MCOLN2: variants seen among roughly 807,000 people sequenced by gnomAD.
MCOLN2 encodes the protein mucolipin TRP cation channel 2, also known as mucolipin-2.
A neutral mutation model predicts 67.5 loss-of-function variants in MCOLN2; 57 were observed. That is an observed-to-expected ratio of 0.84 (90% CI 0.68 to 1.05). The LOEUF is 1.05. MCOLN2 is among the 50% of genes least tolerant of loss of function. The pLI is 0.00. For missense variants in MCOLN2, 620 were observed against 678.8 expected, an observed-to-expected ratio of 0.91 and a Z score of 0.96; for synonymous variants, 246 against 233.3, an observed-to-expected ratio of 1.05 and a Z score of -0.50.
chr1:84,990,789 C>T (rs1258239657), intron 1 of MCOLN2, among the ~76,000 whole-genome samples: 2 of 150,694 alleles, frequency 1.3e-5, no homozygotes, highest in African/African-American at 4.9e-5. Context: ...AATAAGCTAG[C>T]CAGGAGTGGT....
Position 84,995,835 on chromosome 1 carries a change from C to T in MCOLN2, c.77+961G>A, listed in dbSNP as rs143311655. 7.6e-4 allele frequency among the ~76,000 whole-genome samples: 115 copies of T among 151,742 alleles called. 1 individual carries two copies. The highest frequency in any genetic ancestry group is 2.6e-3 in the African/African-American group (109 of 41,416). Reference sequence around the variant, plus strand: ...AAAAAACACTTTTGATATGTTCCTCCTTCACAGAAAAGAATGTGGCTACCT... The same window carrying T: ...AAAAAACACTTTTGATATGTTCCTCTTTCACAGAAAAGAATGTGGCTACCT... On this transcript the variant is annotated intron_variant, in intron 1 of 13. Transcript: ENST00000370608.
chr1:84,927,303 G>A (rs990186690), intron 13 of MCOLN2, among the ~76,000 whole-genome samples: 13 of 150,622 alleles, frequency 8.6e-5, no homozygotes, highest in South Asian at 4.2e-4. Flanking sequence ...GTGTCCCTTC[G>A]CTAACAAGGC....
intron 1 of MCOLN2, among the ~76,000 whole-genome samples, chr1:84,994,920 C>T (rs1427468509): frequency 6.6e-6 from 1 of 152,080 alleles, no homozygotes; most frequent in Non-Finnish European, 1.5e-5. Context: ...AGTAAGAGAC[C>T]TGTGATTGTC....
At chr1:84,976,530 G>T (rs1293524832) in intron 1 of MCOLN2, among the ~76,000 whole-genome samples, 2 of 152,164 alleles carry the variant, frequency 1.3e-5, no homozygotes, top group African/African-American at 4.8e-5. Context: ...CATTTTGGGA[G>T]GCCGAGGTGG....
chr1:84,986,297 T>C (rs1204495946), intron 1 of MCOLN2, among the ~76,000 whole-genome samples: 1 of 152,114 alleles, frequency 6.6e-6, no homozygotes, highest in Non-Finnish European at 1.5e-5. Context: ...TCCCATCATT[T>C]TGGGAGACCG....
At chr1:84,940,125 TATG>T (rs1339163609) in intron 8 of MCOLN2, among the ~76,000 whole-genome samples, 7 of 151,256 alleles carry the variant, frequency 4.6e-5, no homozygotes, top group Admixed American at 4.6e-4. Context: ...GTGCTCCAAA[TATG>T]AGCCCCCTCA....
intron 1 of MCOLN2, among the ~76,000 whole-genome samples, chr1:84,977,048 CAT>C (rs1441093484): frequency 2.0e-5 from 3 of 151,804 alleles, no homozygotes; most frequent in African/African-American, 7.3e-5. Flanking sequence ...CTTTTCAAGA[CAT>C]AGACAGTACA....
chr1:84,993,517 T>A (rs960004200), intron 1 of MCOLN2, among the ~76,000 whole-genome samples: 2 of 152,176 alleles, frequency 1.3e-5, no homozygotes, highest in African/African-American at 4.8e-5. Flanking sequence ...GCATCCATGA[T>A]GATGAATCCT....
chr1:84,962,361 CA>C (rs1288953888), intron 2 of MCOLN2, among the ~76,000 whole-genome samples: 2 of 152,048 alleles, frequency 1.3e-5, no homozygotes, highest in Non-Finnish European at 2.9e-5. Context: ...GTCTGGGCAA[CA>C]AAGCAAGACC....
chr1:84,965,635 T>C lies in MCOLN2; in HGVS notation c.151A>G (p.Ser51Gly). The change falls in exon 2 of 14, where the codon AGC becomes GGC. Residue 51 changes from serine (S) to glycine (G), a missense_variant. Coordinates refer to ENST00000370608, the MANE Select transcript of MCOLN2 (RefSeq NM_153259.4). ...CTGGCTCGGTATTTTTCACAAGGGCTCATGAAGTAAAACTTCAGGTCTTCC... is the reference window on the plus strand; with the variant it reads ...CTGGCTCGGTATTTTTCACAAGGGCCCATGAAGTAAAACTTCAGGTCTTCC... ...LREDLKFYFM[S>G]PCEKYRARRQ... The C allele has an allele frequency of 6.2e-7, 1 of 1,614,044 alleles. No homozygotes were observed. The highest frequency in any genetic ancestry group is 8.5e-7 in the Non-Finnish European group (1 of 1,179,930).
intron 6 of MCOLN2, among the ~76,000 whole-genome samples, chr1:84,948,125 C>T (rs543717443): frequency 1.3e-5 from 2 of 152,354 alleles, no homozygotes; most frequent in South Asian, 2.1e-4. Context: ...CTGGCCCCAC[C>T]ACAACCATGC....
intron 2 of MCOLN2, among the ~76,000 whole-genome samples, chr1:84,958,919 A>C (rs1392900895): frequency 2.0e-5 from 3 of 152,202 alleles, no homozygotes; most frequent in Non-Finnish European, 2.9e-5. Flanking sequence ...AAATTAGAAG[A>C]GATTACTGCT....
chr1:84,940,820 T>C lies in MCOLN2; in HGVS notation c.960+59A>G, dbSNP rs572059968. On this transcript the variant is annotated intron_variant, in intron 8 of 13. Coordinates refer to ENST00000370608, the MANE Select transcript of MCOLN2 (RefSeq NM_153259.4). The stretch of plus-strand genomic sequence containing the variant: ...GTGCACAATATCGGTGGTCCACTGC[T>C]TGGGCAAACTGAGGGCGCAGGCCAA... 3 of 1,182,974 alleles carry C rather than the reference T, an allele frequency of 2.5e-6. No homozygotes were observed. In the East Asian group the frequency reaches 7.5e-5, roughly 30 times the overall value. 73.3% of individuals were successfully genotyped at this position (1,182,974 alleles called of 1,614,324 possible). A position where few individuals can be genotyped will look rare whatever the true frequency, so the allele number is the denominator to read the frequency against.
Position 84,939,583 on chromosome 1 carries a change from G to A in MCOLN2, c.1080C>T (p.Gly360=). 1 of 1,613,986 alleles carries A rather than the reference G, an allele frequency of 6.2e-7. No homozygotes were observed. The highest frequency in any genetic ancestry group is 8.5e-7 in the Non-Finnish European group (1 of 1,179,954). ...VIISDLMTII[G]SILKMEIKAK... ...CTTTGATTTCCATTTTTAATATGGA[G>A]CCAATGATTGTCATTAGGTCGCTGA... is the stretch of plus-strand genomic sequence containing the variant. Residue 360 remains glycine, a synonymous_variant, in exon 9 of 14, where the codon GGC becomes GGT. Transcript: ENST00000370608.
At chr1:84,991,923 T>C (rs921983370) in intron 1 of MCOLN2, among the ~76,000 whole-genome samples, 3 of 152,252 alleles carry the variant, frequency 2.0e-5, no homozygotes, top group Non-Finnish European at 2.9e-5. Context: ...ACTGGAATTA[T>C]GACATTTCCT....
intron 1 of MCOLN2, among the ~76,000 whole-genome samples, chr1:84,988,926 C>T (rs1219249416): frequency 1.3e-5 from 2 of 152,178 alleles, no homozygotes; most frequent in African/African-American, 2.4e-5. Context: ...GTTCCCCCAG[C>T]TCTTTGTGTG....
At position 84,997,073 on chromosome 1, in the gene MCOLN2, G is replaced by A. The variant is rs1651196993; in HGVS notation, c.-201C>T. Reference sequence around the variant, plus strand: ...AGAGCAGGCGCCGCAGTCGTGGAGTGCGGCGGGCAGTTCTCGGGCGGCTGA... The same window carrying A: ...AGAGCAGGCGCCGCAGTCGTGGAGTACGGCGGGCAGTTCTCGGGCGGCTGA... On this transcript the variant is annotated 5_prime_UTR_variant, in exon 1 of 14. Transcript: ENST00000370608. The A allele has an allele frequency of 2.9e-5, 17 of 590,488 alleles. No individual in the cohort carries two copies. In the South Asian group the frequency reaches 3.5e-4, roughly 12 times the overall value. 36.6% of individuals were successfully genotyped at this position (590,488 alleles called of 1,614,324 possible). A position where few individuals can be genotyped will look rare whatever the true frequency, so the allele number is the denominator to read the frequency against.
chr1:84,927,069 C>T (rs550194047), intron 13 of MCOLN2, among the ~76,000 whole-genome samples: 1 of 152,008 alleles, frequency 6.6e-6, no homozygotes, highest in South Asian at 2.1e-4. Flanking sequence ...GGAGGGAGAG[C>T]ATTAGGACAA....
intron 1 of MCOLN2, among the ~76,000 whole-genome samples, chr1:84,995,059 T>C (rs1651081007): frequency 6.6e-6 from 1 of 151,978 alleles, no homozygotes; most frequent in African/African-American, 2.4e-5. Context: ...GTCGGTGGAG[T>C]AGTCAGAACA....
Sources: gnomAD v4.1 joint callset for allele counts (sites outside exome capture counted in the v4.1 genomes callset) on GRCh38, gnomAD v4.1.1 for gene constraint, MANE v1.5 for transcripts, NCBI Gene and HGNC (gene_info 2026-07-23, HGNC 2026-07-21) for gene names.